Variants in PHKA1 observed in about 807,000 individuals in gnomAD.
PHKA1 encodes the protein phosphorylase b kinase regulatory subunit alpha, skeletal muscle isoform.
In PHKA1, 60 loss-of-function variants were observed where a neutral mutation model predicts 110.2. That is an observed-to-expected ratio of 0.54 (90% CI 0.44 to 0.68). PHKA1 has a LOEUF of 0.68. Among genes scored for constraint, PHKA1 ranks in the 30% least tolerant of loss-of-function variants. The probability of loss-of-function intolerance (pLI) is 0.00; values close to 1 mark genes in which losing one functional copy is unlikely to be tolerated. For missense variants in PHKA1, 801 were observed against 942.5 expected (o/e 0.85, Z 1.97); for synonymous variants, 316 against 333.6 (o/e 0.95, Z 0.58).
chrX:72,586,514 G>A (rs1259310443), intron 29 of PHKA1, among the ~76,000 whole-genome samples: 13 of 111,329 alleles, frequency 1.2e-4, no homozygotes, highest in South Asian at 7.7e-4. Context: ...AACCCAGAGC[G>A]CCTCTTCTCC....
In PHKA1 at chrX:72,586,761, C is replaced by T. The variant is rs142090278; in HGVS notation, c.3244-2459G>A. Among the ~76,000 whole-genome samples the T allele has an allele frequency of 4.0e-4, 44 of 110,049 alleles. 1 individual carries two copies. The highest frequency in any genetic ancestry group is 1.2e-3 in the Admixed American group (12 of 10,190). On this transcript the variant is annotated intron_variant, in intron 29 of 31. Transcript: ENST00000373542. ...AGTGACCTGATGGAGCTGCAAACCA[C>T]GGCACAAGAACTACGTGACGCACGC...
intron 29 of PHKA1, among the ~76,000 whole-genome samples, chrX:72,586,938 G>C (rs1776217289): frequency 9.0e-6 from 1 of 111,159 alleles, no homozygotes; most frequent in Non-Finnish European, 1.9e-5. Flanking sequence ...TATGTGAAAA[G>C]ACCAAACGTA....
chrX:72,696,380 G>C (rs2054112203), intron 3 of PHKA1, among the ~76,000 whole-genome samples: 1 of 111,942 alleles, frequency 8.9e-6, no homozygotes, highest in African/African-American at 3.2e-5. Context: ...CAGTCTGAAA[G>C]GAAAATATCT....
chrX:72,713,781 C>T (rs1401554854), intron 1 of PHKA1, 22 bp downstream of exon 1: 2 of 1,159,276 alleles, frequency 1.7e-6, no homozygotes, highest in East Asian at 3.0e-5. Context: ...TCGGTGATTA[C>T]GAGAGACACC....
intron 18 of PHKA1, among the ~76,000 whole-genome samples, chrX:72,621,188 T>C: frequency 9.0e-6 from 1 of 111,581 alleles, no homozygotes; most frequent in Non-Finnish European, 1.9e-5. Context: ...GGAGCAAGCA[T>C]TTAGCAATCT....
intron 15 of PHKA1, among the ~76,000 whole-genome samples, chrX:72,636,020 A>G (rs1416755399): frequency 1.8e-5 from 2 of 112,187 alleles, no homozygotes; most frequent in African/African-American, 6.5e-5. Context: ...GATTACTTTT[A>G]TAAGTACTCT....
chrX:72,600,644 C>G (rs2052646424), intron 28 of PHKA1, among the ~76,000 whole-genome samples: 1 of 111,500 alleles, frequency 9.0e-6, no homozygotes, highest in Non-Finnish European at 1.9e-5. Context: ...CAAGTTACCT[C>G]AAATTAAGCT....
At chrX:72,652,382 T>C (rs2053440906) in intron 12 of PHKA1, among the ~76,000 whole-genome samples, 162 bp downstream of exon 12, 1 of 111,064 alleles carries the variant, frequency 9.0e-6, no homozygotes, top group African/African-American at 3.3e-5. Flanking sequence ...TTTGTGAGGG[T>C]TGGCCATGCT....
At chrX:72,586,508 CA>C (rs2147646941) in intron 29 of PHKA1, among the ~76,000 whole-genome samples, 1 of 111,266 alleles carries the variant, frequency 9.0e-6, no homozygotes, top group African/African-American at 3.3e-5. Flanking sequence ...TTCTAAAACC[CA>C]GAGCGCCTCT....
intron 2 of PHKA1, among the ~76,000 whole-genome samples, chrX:72,706,878 T>C (rs1387784233): frequency 3.6e-5 from 4 of 111,548 alleles, no homozygotes; most frequent in African/African-American, 1.3e-4. Context: ...TTAGTGGCCA[T>C]TGTCAGCCAT....
intron 13 of PHKA1, among the ~76,000 whole-genome samples, chrX:72,649,676 G>A (rs1351909677): frequency 3.6e-5 from 4 of 111,511 alleles, no homozygotes; most frequent in South Asian, 3.8e-4. Flanking sequence ...AATACAGAGT[G>A]TAAATACAGA....
intron 5 of PHKA1, among the ~76,000 whole-genome samples, chrX:72,681,279 C>A (rs1371764936): frequency 2.1e-4 from 22 of 103,878 alleles, no homozygotes; most frequent in African/African-American, 7.5e-4. Flanking sequence ...TGAGGAGACC[C>A]TCTGCCTGGC....
chrX:72,642,933 C>T (rs2053314659), intron 14 of PHKA1, among the ~76,000 whole-genome samples: 1 of 111,384 alleles, frequency 9.0e-6, no homozygotes, highest in African/African-American at 3.3e-5. Flanking sequence ...AAGGGACATT[C>T]CTACATCATA....
chrX:72,660,438 T>C (rs1211452621), intron 8 of PHKA1: 2 of 220,760 alleles, frequency 9.1e-6, no homozygotes, highest in African/African-American at 6.0e-5. Context: ...CTTAGTAAAA[T>C]GCATCTAAGA....
At position 72,599,067 on chromosome X, in the gene PHKA1, A is replaced by G. The variant is rs914002947; in HGVS notation, c.3072+2924T>C. ...TAAAGTACAATTCAGACTGTTTTCC[A>G]AAGCCAAATATCAATCATTTTGAGT... On this transcript the variant is annotated intron_variant, in intron 28 of 31. Transcript: ENST00000373542. Among the ~76,000 whole-genome samples the G allele has an allele frequency of 4.5e-5, 5 of 111,410 alleles. No individual in the cohort carries two copies. The Admixed American group carries it at 4.8e-4, about 11-fold the overall frequency.
chrX:72,666,084 C>T (rs2053612689), intron 8 of PHKA1, 67 bp downstream of exon 8: 8 of 1,053,539 alleles, frequency 7.6e-6, no homozygotes, highest in Non-Finnish European at 9.2e-6. Context: ...ATACTTAAGG[C>T]CCCCAAAGGC....
chrX:72,692,041 C>T (rs1259127726), intron 4 of PHKA1, among the ~76,000 whole-genome samples: 1 of 111,769 alleles, frequency 8.9e-6, no homozygotes, highest in Non-Finnish European at 1.9e-5. Flanking sequence ...TCCTCTATTC[C>T]TTATTTGGTA....
chrX:72,694,550 T>A (rs2147823893), intron 4 of PHKA1, among the ~76,000 whole-genome samples: 1 of 112,468 alleles, frequency 8.9e-6, no homozygotes, highest in African/African-American at 3.2e-5. Flanking sequence ...AATTTCCATG[T>A]TATATTCATG....
rs782528091 is a variant in PHKA1, at chrX:72,620,898, C to T, written c.1964G>A (p.Arg655His). 21 of 1,207,552 alleles carry T rather than the reference C, an allele frequency of 1.7e-5. 1 individual carries two copies. In the Admixed American group the frequency reaches 3.5e-4, roughly 20 times the overall value. The change falls in exon 19 of 32, where the codon CGC becomes CAC. Residue 655 changes from arginine to histidine, a missense_variant. Around this residue, in one of 2 missense-constraint regions of PHKA1, gnomAD observed 502 missense variants for 519.2 expected, o/e 0.97. Coordinates refer to ENST00000373542, the MANE Select transcript of PHKA1 (RefSeq NM_002637.4). ...MNDYDSTSHA[R>H]CGDEVARYLD... ...ATAACGAGCAACTTCATCACCACAGCGAGCTGCAAGGTTAGTGGGGGGAGG... is the reference window on the plus strand; with the variant it reads ...ATAACGAGCAACTTCATCACCACAGTGAGCTGCAAGGTTAGTGGGGGGAGG...
Sources: gnomAD v4.1 joint callset for allele counts (sites outside exome capture counted in the v4.1 genomes callset) on GRCh38, gnomAD v4.1.1 for gene constraint, gnomAD v4.1.1 regional missense constraint, MANE v1.5 for transcripts, NCBI Gene and HGNC (gene_info 2026-07-23, HGNC 2026-07-21) for gene names.